LDB2: variants seen among roughly 807,000 people sequenced by gnomAD.
LDB2 encodes LIM domain-binding protein 2.
LDB2 carries 12 observed loss-of-function variants against 44.3 expected under a neutral mutation model. That is an observed-to-expected ratio of 0.27 (90% CI 0.17 to 0.44). The LOEUF is 0.44. LDB2 is among the 20% of genes least tolerant of loss of function. The pLI, the probability that LDB2 is intolerant of heterozygous loss-of-function variation, is 1.00. For synonymous variants in LDB2, 164 were observed against 174.8 expected (o/e 0.94, Z 0.49); for missense variants, 344 against 473.5 (o/e 0.73, Z 2.54).
chr4:16,784,146 C>T (rs1773890616), intron 1 of LDB2, among the ~76,000 whole-genome samples: 1 of 152,132 alleles, frequency 6.6e-6, no homozygotes. Flanking sequence ...CTCATGTAAG[C>T]CTCATGGCAC....
chr4:16,580,881 T>C (rs1177412601), intron 5 of LDB2, among the ~76,000 whole-genome samples: 1 of 152,200 alleles, frequency 6.6e-6, no homozygotes, highest in Non-Finnish European at 1.5e-5. Context: ...GGAGATAAAA[T>C]AGACATCAAT....
chr4:16,603,912 G>T lies in LDB2; in HGVS notation c.236-8037C>A, dbSNP rs150384849. On this transcript the variant is annotated intron_variant, in intron 2 of 7. Transcript: ENST00000304523. ...GAAAAAGGGTCTCACTCTGTCACCT[G>T]GGCTAGAGCGCAGTAATGCAATCAT... Among the ~76,000 whole-genome samples the T allele has an allele frequency of 2.9e-3, 448 of 152,240 alleles. 2 individuals carry two copies. Among genetic ancestry groups the T allele is most frequent in the African/African-American group, 9.9e-3 (413 of 41,542 alleles).
Position 16,746,708 on chromosome 4 carries a change from A to G in LDB2, c.235+12450T>C, listed in dbSNP as rs1579290224. Reference sequence around the variant, plus strand: ...AGGCTGAGGCAGGAGAATCACTTGAACCCAGGAGGCGGAGGTTGCAGTGAG... The same window carrying G: ...AGGCTGAGGCAGGAGAATCACTTGAGCCCAGGAGGCGGAGGTTGCAGTGAG... On this transcript the variant is annotated intron_variant, in intron 2 of 7. Coordinates refer to ENST00000304523, the MANE Select transcript of LDB2 (RefSeq NM_001290.5). Among the ~76,000 whole-genome samples the G allele has an allele frequency of 5.9e-5, 9 of 152,234 alleles. No homozygotes were observed. The South Asian group carries it at 1.5e-3, about 25-fold the overall frequency.
At chr4:16,869,434 T>C (rs2110331532) in intron 1 of LDB2, among the ~76,000 whole-genome samples, 1 of 152,240 alleles carries the variant, frequency 6.6e-6, no homozygotes, top group East Asian at 1.9e-4. Context: ...GAAAATTAAA[T>C]CATGGGTGTG....
chr4:16,518,782 A>T (rs1480006860), intron 5 of LDB2, among the ~76,000 whole-genome samples: 1 of 152,236 alleles, frequency 6.6e-6, no homozygotes, highest in Non-Finnish European at 1.5e-5. Flanking sequence ...GAGCATGTTC[A>T]ATTCACTGCT....
intron 2 of LDB2, among the ~76,000 whole-genome samples, chr4:16,758,181 C>T (rs1232989907): frequency 6.6e-6 from 1 of 152,172 alleles, no homozygotes; most frequent in East Asian, 1.9e-4. Flanking sequence ...AAGCCTCCCC[C>T]AATTTTTTGT....
intron 1 of LDB2, among the ~76,000 whole-genome samples, chr4:16,872,360 A>G (rs1339281269): frequency 6.6e-6 from 1 of 152,120 alleles, no homozygotes; most frequent in Non-Finnish European, 1.5e-5. Context: ...ACAAATGAAT[A>G]CCTGAACTTC....
intron 2 of LDB2, among the ~76,000 whole-genome samples, chr4:16,641,604 C>T (rs1270676390): frequency 6.6e-6 from 1 of 152,090 alleles, no homozygotes; most frequent in Non-Finnish European, 1.5e-5. Context: ...CTCTTTTTAA[C>T]AACCAGATCT....
intron 2 of LDB2, among the ~76,000 whole-genome samples, chr4:16,613,617 A>G (rs989484664): frequency 1.4e-4 from 21 of 152,176 alleles, no homozygotes; most frequent in African/African-American, 4.6e-4. Context: ...ATTCCTTTAC[A>G]CCAACAATAG....
At chr4:16,872,313 CTTTATTT>C (rs1489077763) in intron 1 of LDB2, among the ~76,000 whole-genome samples, 3 of 151,868 alleles carry the variant, frequency 2.0e-5, no homozygotes, top group Non-Finnish European at 4.4e-5. Context: ...ATTCTTTTAT[CTTTATTT>C]TTTATTTTTT....
At chr4:16,665,174 A>G (rs2152545992) in intron 2 of LDB2, among the ~76,000 whole-genome samples, 1 of 152,018 alleles carries the variant, frequency 6.6e-6, no homozygotes, top group East Asian at 1.9e-4. Flanking sequence ...TCCAGTTTGG[A>G]TCGGGTCTGA....
intron 1 of LDB2, among the ~76,000 whole-genome samples, chr4:16,803,647 C>G (rs1778249667): frequency 6.6e-6 from 1 of 151,876 alleles, no homozygotes; most frequent in Non-Finnish European, 1.5e-5. Flanking sequence ...AGAAATATAA[C>G]AAAAATGGAA....
intron 1 of LDB2, among the ~76,000 whole-genome samples, chr4:16,810,329 A>G (rs1347316043): frequency 1.3e-5 from 2 of 152,186 alleles, no homozygotes; most frequent in Non-Finnish European, 2.9e-5. Context: ...GGTCCCTACA[A>G]TCTCAAACTC....
At chr4:16,658,286 C>T (rs1329389651) in intron 2 of LDB2, among the ~76,000 whole-genome samples, 1 of 152,186 alleles carries the variant, frequency 6.6e-6, no homozygotes. Flanking sequence ...TCATCGCTTA[C>T]AATAAGCCCT....
intron 2 of LDB2, among the ~76,000 whole-genome samples, chr4:16,689,150 G>T (rs944819312): frequency 7.9e-5 from 12 of 152,168 alleles, no homozygotes; most frequent in Non-Finnish European, 1.5e-4. Flanking sequence ...CCTTTAATGA[G>T]CTGGGATATG....
Position 16,741,288 on chromosome 4 carries a change from T to A in LDB2, c.235+17870A>T, listed in dbSNP as rs144322283. Among the ~76,000 whole-genome samples, 274 of 152,334 alleles carry A rather than the reference T, an allele frequency of 1.8e-3. 2 individuals are homozygous for A. The highest frequency in any genetic ancestry group is 6.4e-3 in the African/African-American group (266 of 41,578). On this transcript the variant is annotated intron_variant, in intron 2 of 7. Transcript: ENST00000304523. ...TTGTGATATATTCATTCAACAAATA[T>A]CATTCACTAGCAAGTATAGTGCCAG...
chr4:16,848,750 C>T (rs1365252874), intron 1 of LDB2, among the ~76,000 whole-genome samples: 1 of 152,162 alleles, frequency 6.6e-6, no homozygotes, highest in East Asian at 1.9e-4. Context: ...TCTTCTGTTT[C>T]CTTTGTCAGC....
At chr4:16,742,755 G>C (rs1009531710) in intron 2 of LDB2, among the ~76,000 whole-genome samples, 1 of 152,114 alleles carries the variant, frequency 6.6e-6, no homozygotes, top group Non-Finnish European at 1.5e-5. Flanking sequence ...CAAAACACAA[G>C]TCTCTTAAAA....
At chr4:16,866,146 G>C (rs1395609094) in intron 1 of LDB2, among the ~76,000 whole-genome samples, 4 of 152,134 alleles carry the variant, frequency 2.6e-5, no homozygotes, top group Admixed American at 2.6e-4. Flanking sequence ...TGATTGTGCA[G>C]ATTTTCTTTC....
Sources: allele counts gnomAD v4.1 joint callset (sites outside exome capture counted in the v4.1 genomes callset), GRCh38; gene constraint gnomAD v4.1.1; transcripts MANE v1.5; gene names NCBI Gene and HGNC (gene_info 2026-07-23, HGNC 2026-07-21).